Variants in ENTREP2 observed in about 807,000 individuals in gnomAD.
ENTREP2 encodes the protein protein ENTREP2.
the ENTREP2 span, among the ~76,000 whole-genome samples, chr15:29,192,691 T>C: frequency 6.6e-6 from 1 of 152,058 alleles, no homozygotes; most frequent in Non-Finnish European, 1.5e-5. Flanking sequence ...ATACTAGGAA[T>C]TAAAAACAGG....
the ENTREP2 span, among the ~76,000 whole-genome samples, chr15:29,225,035 G>A: frequency 9.8e-5 from 15 of 152,308 alleles, no homozygotes; most frequent in East Asian, 1.9e-4. Flanking sequence ...CTGGCCGGCC[G>A]CTCTGAGTGC....
the ENTREP2 span, among the ~76,000 whole-genome samples, chr15:29,398,681 G>A: frequency 2.0e-5 from 3 of 152,132 alleles, no homozygotes; most frequent in South Asian, 2.1e-4. Flanking sequence ...CCAAGATCAC[G>A]CCACTGCACT....
At chr15:29,616,413 A>G in the ENTREP2 span, among the ~76,000 whole-genome samples, 1 of 152,080 alleles carries the variant, frequency 6.6e-6, no homozygotes, top group African/African-American at 2.4e-5. Context: ...ACCACTCCAC[A>G]CTCAGAGGTG....
chr15:29,401,276 AAC>A, the ENTREP2 span, among the ~76,000 whole-genome samples: 350 of 152,364 alleles, frequency 2.3e-3, 11 homozygotes, highest in East Asian at 0.048. Flanking sequence ...ATAATACATA[AAC>A]AGACAAAAGG....
the ENTREP2 span, among the ~76,000 whole-genome samples, chr15:29,592,198 G>A: frequency 6.6e-6 from 1 of 152,142 alleles, no homozygotes; most frequent in East Asian, 1.9e-4. Context: ...GGCATGGCAA[G>A]GGCTTCCTCA....
chr15:29,176,865 CTG>C, the ENTREP2 span, among the ~76,000 whole-genome samples: 7 of 152,252 alleles, frequency 4.6e-5, no homozygotes, highest in Admixed American at 3.9e-4. Flanking sequence ...AGGTTGGTGT[CTG>C]TGCCCTCTCT....
chr15:29,599,262 G>A, the ENTREP2 span, among the ~76,000 whole-genome samples: 22 of 152,180 alleles, frequency 1.4e-4, no homozygotes, highest in Non-Finnish European at 1.6e-4. Context: ...AAATAATAAT[G>A]ATGCAGGATT....
chr15:29,179,739 C>A, the ENTREP2 span, among the ~76,000 whole-genome samples: 2 of 126,508 alleles, frequency 1.6e-5, no homozygotes, highest in Non-Finnish European at 3.2e-5. Context: ...CGCCATCACG[C>A]CCGGCTAATT....
the ENTREP2 span, among the ~76,000 whole-genome samples, chr15:29,220,758 A>C: frequency 6.6e-6 from 1 of 152,104 alleles, no homozygotes. Flanking sequence ...AGAAAATAGA[A>C]CCTTTATTAT....
chr15:29,153,467 G>A, the ENTREP2 span, among the ~76,000 whole-genome samples: 1 of 152,228 alleles, frequency 6.6e-6, no homozygotes, highest in African/African-American at 2.4e-5. Flanking sequence ...AAGAGGGCAG[G>A]GGAGCTCTCT....
the ENTREP2 span, among the ~76,000 whole-genome samples, chr15:29,667,121 A>G: frequency 1.7e-4 from 26 of 151,654 alleles, no homozygotes; most frequent in South Asian, 1.0e-3. Flanking sequence ...TGAAGACCCT[A>G]TTTCCAAATA....
the ENTREP2 span, among the ~76,000 whole-genome samples, chr15:29,393,453 T>C: frequency 2.6e-5 from 4 of 152,298 alleles, no homozygotes; most frequent in South Asian, 6.2e-4. Context: ...AAGTCCCTTC[T>C]CCAGCCACAT....
chr15:29,579,675 A>C, the ENTREP2 span, among the ~76,000 whole-genome samples: 185 of 119,610 alleles, frequency 1.5e-3, 2 homozygotes, highest in East Asian at 0.024. Context: ...ACCTGCCACC[A>C]CACCCAGCTA....
chr15:29,254,319 G>A, the ENTREP2 span, among the ~76,000 whole-genome samples: 1 of 152,114 alleles, frequency 6.6e-6, no homozygotes, highest in East Asian at 1.9e-4. Context: ...GTATAAAACT[G>A]ATAGTAGTGC....
chr15:29,471,852 G>A, the ENTREP2 span, among the ~76,000 whole-genome samples: 1 of 152,148 alleles, frequency 6.6e-6, no homozygotes, highest in African/African-American at 2.4e-5. Context: ...CAGCCCACAT[G>A]CACACGTGGA....
the ENTREP2 span, among the ~76,000 whole-genome samples, chr15:29,229,341 A>T: frequency 6.6e-6 from 1 of 152,168 alleles, no homozygotes; most frequent in South Asian, 2.1e-4. Context: ...TATTCCTTAC[A>T]TCTTGAACAC....
At chr15:29,149,819 C>A in the ENTREP2 span, among the ~76,000 whole-genome samples, 2 of 152,182 alleles carry the variant, frequency 1.3e-5, no homozygotes, top group Non-Finnish European at 2.9e-5. Flanking sequence ...ATCACGAGAG[C>A]AGAGCCTTGG....
At chr15:29,634,739 G>T in the ENTREP2 span, among the ~76,000 whole-genome samples, 1 of 152,200 alleles carries the variant, frequency 6.6e-6, no homozygotes, top group African/African-American at 2.4e-5. Flanking sequence ...GCTTCAAGTT[G>T]GGGTCCCCAT....
the ENTREP2 span, among the ~76,000 whole-genome samples, chr15:29,335,636 C>T: frequency 1.3e-5 from 2 of 152,172 alleles, no homozygotes; most frequent in Non-Finnish European, 2.9e-5. Flanking sequence ...GAAATACGGG[C>T]TCTTCTGATT....
Sources: gnomAD v4.1 joint callset for allele counts (sites outside exome capture counted in the v4.1 genomes callset) on GRCh38, gnomAD v4.1.1 for gene constraint, MANE v1.5 for transcripts, NCBI Gene and HGNC (gene_info 2026-07-23, HGNC 2026-07-21) for gene names.